CRTC1: variants seen among roughly 807,000 people sequenced by gnomAD.
CRTC1 encodes CREB regulated transcription coactivator 1.
In CRTC1, 18 loss-of-function variants were observed where a neutral mutation model predicts 66.1. The ratio of observed to expected loss-of-function variants is 0.27; its 90% CI spans 0.19 to 0.40. CRTC1 has a LOEUF of 0.40. Ranked by LOEUF, CRTC1 falls within the 10% of genes least tolerant of loss-of-function variation. CRTC1 has a pLI of 1.00. For missense variants in CRTC1, 669 were observed against 887.9 expected, an observed-to-expected ratio of 0.75 and a Z score of 3.13; for synonymous variants, 416 against 398.8, an observed-to-expected ratio of 1.04 and a Z score of -0.51.
At chr19:18,721,795 C>T (rs1462635728) in intron 1 of CRTC1, among the ~76,000 whole-genome samples, 5 of 152,180 alleles carry the variant, frequency 3.3e-5, no homozygotes, top group African/African-American at 7.2e-5. Context: ...CACCTGGCCT[C>T]GACCTGCAAA....
intron 1 of CRTC1, among the ~76,000 whole-genome samples, chr19:18,723,518 C>T (rs752922050): frequency 5.3e-5 from 8 of 152,228 alleles, no homozygotes; most frequent in Admixed American, 1.3e-4. Flanking sequence ...TGCGGAGCCA[C>T]GTGGTGTCTC....
In CRTC1 at chr19:18,736,698, C is replaced by G. The variant is rs186743368; in HGVS notation, c.127-6212C>G. Among the ~76,000 whole-genome samples, 798 of 150,610 alleles carry G rather than the reference C, an allele frequency of 5.3e-3. 18 individuals carry two copies. Among genetic ancestry groups the G allele is most frequent in the African/African-American group, 0.017 (681 of 39,996 alleles). ...GAGAGTGGAGACTAGACTTTGAAGC[C>G]TAGAGGTGGAGAGGGGGGGAAACTG... On this transcript the variant is annotated intron_variant, in intron 1 of 13. Transcript: ENST00000321949.
intron 1 of CRTC1, among the ~76,000 whole-genome samples, chr19:18,736,943 C>T (rs970949783): frequency 2.6e-5 from 4 of 152,156 alleles, no homozygotes; most frequent in African/African-American, 9.7e-5. Context: ...GTGGAGGTGT[C>T]GCTGTGCCCT....
Position 18,765,283 on chromosome 19 carries a change from C to T in CRTC1, c.887-121C>T, listed in dbSNP as rs1037043500. 4 of 1,412,528 alleles carry T rather than the reference C, an allele frequency of 2.8e-6. No individual in the cohort carries two copies. In the African/African-American group the frequency reaches 4.3e-5, roughly 15 times the overall value. 87.5% of individuals were successfully genotyped at this position (1,412,528 alleles called of 1,614,324 possible). A position where few individuals can be genotyped will look rare whatever the true frequency, so the allele number is the denominator to read the frequency against. ...CCCAGGTTTGGCAGTTGGGACATGT[C>T]CATGGGCTTCTGTCTGAGCAGTTGA... On this transcript the variant is annotated intron_variant, in intron 8 of 13. Coordinates refer to ENST00000321949, the MANE Select transcript of CRTC1 (RefSeq NM_015321.3).
chr19:18,776,074 C>T (rs1312768804), intron 13 of CRTC1, among the ~76,000 whole-genome samples: 1 of 152,208 alleles, frequency 6.6e-6, no homozygotes, highest in African/African-American at 2.4e-5. Context: ...GTCACTCTCC[C>T]CTCTCGGCGG....
chr19:18,722,279 G>A (rs532996704), intron 1 of CRTC1, among the ~76,000 whole-genome samples: 3 of 152,356 alleles, frequency 2.0e-5, no homozygotes, highest in South Asian at 2.1e-4. Flanking sequence ...GCAGGCCACA[G>A]GCATGCCAGG....
chr19:18,769,131 T>C (rs2054806183), intron 10 of CRTC1, among the ~76,000 whole-genome samples: 1 of 152,146 alleles, frequency 6.6e-6, no homozygotes, highest in East Asian at 1.9e-4. Flanking sequence ...AGTACGGCGT[T>C]CTCAGGGCCA....
At position 18,771,882 on chromosome 19, in the gene CRTC1, C is replaced by T. The variant is rs1341630914; in HGVS notation, c.1425+336C>T. On this transcript the variant is annotated intron_variant, in intron 11 of 13. Transcript: ENST00000321949. The surrounding 1 kb of genome is among the most constrained non-coding windows in gnomAD (Gnocchi z 4.6). ...TGCCCTCCACACCCAGTGTGTCACC[C>T]AGAGCATGAGCTGGAGCTTTAGGGA... Among the ~76,000 whole-genome samples, 4 of 152,190 alleles carry T rather than the reference C, an allele frequency of 2.6e-5. No homozygotes were observed. Among genetic ancestry groups the T allele is most frequent in the African/African-American group, 9.7e-5 (4 of 41,424 alleles).
intron 1 of CRTC1, among the ~76,000 whole-genome samples, chr19:18,695,653 C>T (rs2052967043): frequency 6.6e-6 from 1 of 152,080 alleles, no homozygotes; most frequent in Admixed American, 6.6e-5. Context: ...ATCACGAGGT[C>T]AGGAGATCGA....
At chr19:18,711,046 G>T (rs998912969) in intron 1 of CRTC1, among the ~76,000 whole-genome samples, 2 of 152,220 alleles carry the variant, frequency 1.3e-5, no homozygotes, top group Non-Finnish European at 2.9e-5. Flanking sequence ...GTCTGCTGTG[G>T]CCAGGGCTGC....
intron 1 of CRTC1, among the ~76,000 whole-genome samples, chr19:18,700,332 C>G (rs2053103686): frequency 6.6e-6 from 1 of 152,090 alleles, no homozygotes; most frequent in Admixed American, 6.5e-5. Context: ...GCCACCCTGT[C>G]CCTTATCCAC....
intron 1 of CRTC1, among the ~76,000 whole-genome samples, chr19:18,736,124 G>GGC (rs2053991556): frequency 6.6e-6 from 1 of 152,208 alleles, no homozygotes; most frequent in African/African-American, 2.4e-5. Context: ...ATGGGAGGAT[G>GGC]AAGGCTCTTG....
intron 1 of CRTC1, 151 bp from the exon 2 acceptor site, chr19:18,742,759 T>A (rs2054139269): frequency 6.3e-6 from 4 of 632,576 alleles, no homozygotes; most frequent in African/African-American, 1.8e-5. Context: ...GACACCTGGT[T>A]TCCTTAAGCA....
intron 13 of CRTC1, among the ~76,000 whole-genome samples, chr19:18,776,127 G>A (rs1042196210): frequency 4.6e-5 from 7 of 152,222 alleles, no homozygotes; most frequent in African/African-American, 7.2e-5. Flanking sequence ...TGAAGCAGCC[G>A]GGTACACGGT....
chr19:18,742,950 G>T lies in CRTC1; in HGVS notation c.167G>T (p.Ser56Ile), dbSNP rs1169656097. Residue 56 changes from serine (S) to isoleucine (I), a missense_variant, in exon 2 of 14, where the codon AGC becomes ATC. Physicochemically the swap from Ser to Ile is moderately radical, Grantham distance 142. Around this residue, in one of 8 missense-constraint regions of CRTC1, gnomAD observed 214 missense variants for 323.4 expected, o/e 0.66. Coordinates refer to ENST00000321949, the MANE Select transcript of CRTC1 (RefSeq NM_015321.3). Reference protein sequence around the residue: ...QKSQYLQLGPSRGQYYGGSLP... With the variant: ...QKSQYLQLGPIRGQYYGGSLP... ...TCCCAGTACCTGCAACTGGGCCCCAGCCGAGGCCAGTACTATGGCGGGTCC... is the reference window on the plus strand; with the variant it reads ...TCCCAGTACCTGCAACTGGGCCCCATCCGAGGCCAGTACTATGGCGGGTCC... The T allele has an allele frequency of 1.2e-6, 2 of 1,614,008 alleles. No homozygotes were observed. Among genetic ancestry groups the T allele is most frequent in the Admixed American group, 1.7e-5 (1 of 60,022 alleles).
chr19:18,705,390 G>A (rs1568486562), intron 1 of CRTC1, among the ~76,000 whole-genome samples: 1 of 152,072 alleles, frequency 6.6e-6, no homozygotes, highest in Non-Finnish European at 1.5e-5. Flanking sequence ...GCGTGATCTC[G>A]GCTCACCACA....
chr19:18,684,143 CAG>C (rs1245254658), intron 1 of CRTC1, among the ~76,000 whole-genome samples: 1 of 151,982 alleles, frequency 6.6e-6, no homozygotes, highest in Non-Finnish European at 1.5e-5. Context: ...CGTTACCTGA[CAG>C]GGGACAGGTG....
At chr19:18,751,175 C>T (rs1452233189) in intron 5 of CRTC1, among the ~76,000 whole-genome samples, 1 of 152,136 alleles carries the variant, frequency 6.6e-6, no homozygotes, top group East Asian at 1.9e-4. Context: ...CTGTGCTCAT[C>T]GTGGGTCTCC....
intron 6 of CRTC1, among the ~76,000 whole-genome samples, chr19:18,758,366 A>G (rs1335036164): frequency 2.0e-5 from 3 of 151,184 alleles, no homozygotes; most frequent in Admixed American, 6.6e-5. Context: ...TCTCTAAAAA[A>G]AAAAAAAAAG....
Sources: gnomAD v4.1 joint callset for allele counts (sites outside exome capture counted in the v4.1 genomes callset) on GRCh38, gnomAD v4.1.1 for gene constraint, gnomAD v4.1.1 regional missense constraint, Gnocchi (gnomAD v3.1) non-coding constraint, MANE v1.5 for transcripts, NCBI Gene and HGNC (gene_info 2026-07-23, HGNC 2026-07-21) for gene names.